NRSN1: variants seen among roughly 807,000 people sequenced by gnomAD.
NRSN1 encodes the protein neurensin 1.
Under a neutral mutation model 17.3 loss-of-function variants are expected in NRSN1, and 14 were observed. The ratio of observed to expected loss-of-function variants is 0.81; its 90% CI spans 0.54 to 1.27. NRSN1 has a LOEUF of 1.27. Ranked by LOEUF, NRSN1 falls within the 50% of genes most tolerant of loss-of-function variation. The probability of loss-of-function intolerance (pLI) is 0.00; values close to 1 mark genes in which losing one functional copy is unlikely to be tolerated. For synonymous variants in NRSN1, 79 were observed against 94.2 expected (o/e 0.84, Z 0.93); for missense variants, 209 against 235.9 (o/e 0.89, Z 0.75).
chr6:24,146,092 C>A lies in NRSN1; in HGVS notation c.*146C>A. 1 of 859,520 alleles carries A rather than the reference C, an allele frequency of 1.2e-6. No individual in the cohort carries two copies. The highest frequency in any genetic ancestry group is 2.0e-6 in the Non-Finnish European group (1 of 505,732). 53.2% of individuals were successfully genotyped at this position (859,520 alleles called of 1,614,324 possible). On this transcript the variant is annotated 3_prime_UTR_variant, in exon 4 of 4. Transcript: ENST00000378491. ...AATATAATGGGTGGACTCACACTTGCTCAGTTCAGGCAGCTCTGCTGGAGG... is the reference window on the plus strand; with the variant it reads ...AATATAATGGGTGGACTCACACTTGATCAGTTCAGGCAGCTCTGCTGGAGG...
chr6:24,137,349 A>G (rs996979124), intron 3 of NRSN1, among the ~76,000 whole-genome samples: 3 of 152,216 alleles, frequency 2.0e-5, no homozygotes, highest in South Asian at 2.1e-4. Flanking sequence ...TAGCTGTCCA[A>G]CATTCACCAG....
chr6:24,138,913 A>T (rs557603043), intron 3 of NRSN1, among the ~76,000 whole-genome samples: 45 of 152,314 alleles, frequency 3.0e-4, no homozygotes, highest in African/African-American at 1.0e-3. Context: ...ATACATATAT[A>T]TTGTGGCACG....
intron 2 of NRSN1, among the ~76,000 whole-genome samples, chr6:24,132,534 C>G (rs1760050674): frequency 6.6e-6 from 1 of 152,216 alleles, no homozygotes; most frequent in African/African-American, 2.4e-5. Context: ...ATAACTAAAA[C>G]TATCTACAGG....
chr6:24,131,425 T>C (rs1581547714), intron 2 of NRSN1, among the ~76,000 whole-genome samples: 1 of 152,170 alleles, frequency 6.6e-6, no homozygotes, highest in Non-Finnish European at 1.5e-5. Context: ...CATATCTATT[T>C]TTGTCCCTTT....
intron 2 of NRSN1, among the ~76,000 whole-genome samples, chr6:24,130,251 T>C (rs1431432202): frequency 6.6e-6 from 1 of 151,862 alleles, no homozygotes; most frequent in African/African-American, 2.4e-5. Flanking sequence ...TAAAAAGCCT[T>C]TGCACATAGC....
At chr6:24,140,941 C>A in intron 3 of NRSN1, 1 of 1,327,176 alleles carries the variant, frequency 7.5e-7, no homozygotes, top group Non-Finnish European at 9.7e-7. Context: ...TGGGTTTTCA[C>A]ACATCCTCCC....
rs565005828 is a variant in NRSN1 at position 24,146,537 on chromosome 6, G to A, written c.*591G>A. On this transcript the variant is annotated 3_prime_UTR_variant, in exon 4 of 4. Transcript: ENST00000378491. ...CCATTTTTTTTCCCTTTGAGATGAA[G>A]TGCTGTTCTTTTGCCTAGGTTGGAG... 3.3e-5 allele frequency: 11 copies of A among 336,966 alleles called. No homozygotes were observed. The highest frequency in any genetic ancestry group is 6.5e-5 in the African/African-American group (3 of 46,070). The allele number at this position is 336,966 out of a possible 1,614,324, so 20.9% of individuals were successfully genotyped here. A position where few individuals can be genotyped will look rare whatever the true frequency, so the allele number is the denominator to read the frequency against.
chr6:24,134,602 T>C, intron 3 of NRSN1, 86 bp downstream of exon 3: 1 of 1,063,826 alleles, frequency 9.4e-7, no homozygotes, highest in Non-Finnish European at 1.4e-6. Context: ...TGGAGAGGTT[T>C]AGTACTCGCT....
At chr6:24,144,129 C>T (rs1760262138) in intron 3 of NRSN1, among the ~76,000 whole-genome samples, 1 of 152,200 alleles carries the variant, frequency 6.6e-6, no homozygotes, top group East Asian at 1.9e-4. Flanking sequence ...CACAAGTATA[C>T]CCCAAATAGC....
chr6:24,142,528 G>A (rs949075131), intron 3 of NRSN1, among the ~76,000 whole-genome samples: 1 of 151,696 alleles, frequency 6.6e-6, no homozygotes, highest in South Asian at 2.1e-4. Context: ...ATGTGATCTC[G>A]GCTCACTGCA....
intron 3 of NRSN1, among the ~76,000 whole-genome samples, chr6:24,135,680 G>A (rs757256642): frequency 2.0e-5 from 3 of 152,168 alleles, no homozygotes; most frequent in South Asian, 2.1e-4. Flanking sequence ...ATTAGACATC[G>A]GAGTAGTGAT....
intron 3 of NRSN1, among the ~76,000 whole-genome samples, chr6:24,143,081 G>A (rs975444907): frequency 2.6e-4 from 40 of 152,250 alleles, no homozygotes; most frequent in African/African-American, 8.9e-4. Flanking sequence ...GCCACAGAGT[G>A]CTGATTGGTG....
At chr6:24,132,120 G>C (rs1371832740) in intron 2 of NRSN1, among the ~76,000 whole-genome samples, 1 of 152,138 alleles carries the variant, frequency 6.6e-6, no homozygotes, top group African/African-American at 2.4e-5. Flanking sequence ...ATCATTAATA[G>C]CACCATTTTT....
intron 3 of NRSN1, among the ~76,000 whole-genome samples, chr6:24,135,010 C>CA (rs1760095175): frequency 1.3e-5 from 2 of 152,170 alleles, no homozygotes; most frequent in South Asian, 4.1e-4. Context: ...CCAGCTTCCT[C>CA]AAATGAAGGA....
intron 3 of NRSN1, among the ~76,000 whole-genome samples, chr6:24,137,235 G>A (rs1760130386): frequency 6.6e-6 from 1 of 152,154 alleles, no homozygotes; most frequent in South Asian, 2.1e-4. Context: ...GACTTAATGA[G>A]AAAGGAGATT....
At chr6:24,126,527 C>A (rs957568393) in intron 1 of NRSN1, among the ~76,000 whole-genome samples, 187 bp downstream of exon 1, 1 of 151,958 alleles carries the variant, frequency 6.6e-6, no homozygotes, top group Admixed American at 6.6e-5. Context: ...AAAAAACATG[C>A]GTATTAAAAT....
At position 24,134,345 on chromosome 6, in the gene NRSN1, C is replaced by T. The variant is rs34059142; in HGVS notation, c.18C>T (p.Asn6=). 1,306 of 1,613,838 alleles carry T rather than the reference C, an allele frequency of 8.1e-4. 6 individuals are homozygous for T. In the African/African-American group the frequency reaches 0.016, roughly 19 times the overall value. ...TGGGAAGGATGAGTTCTTGCAGCAA[C>T]GTCTGTGGGTCCAGGCAGGCACAGG... MSSCS[N]VCGSRQAQAA... The change falls in exon 3 of 4, where the codon AAC becomes AAT. Residue 6 remains asparagine (N), a synonymous_variant. Coordinates refer to ENST00000378491, the MANE Select transcript of NRSN1 (RefSeq NM_080723.5).
chr6:24,146,545 C>T lies in NRSN1; in HGVS notation c.*599C>T. 1.5e-5 allele frequency: 5 copies of T among 335,840 alleles called. No homozygotes were observed. Among genetic ancestry groups the T allele is most frequent in the South Asian group, 1.2e-4 (5 of 41,918 alleles). The allele number at this position is 335,840 out of a possible 1,614,324, so 20.8% of individuals were successfully genotyped here. A position where few individuals can be genotyped will look rare whatever the true frequency, so the allele number is the denominator to read the frequency against. On this transcript the variant is annotated 3_prime_UTR_variant, in exon 4 of 4. Transcript: ENST00000378491. Reference sequence around the variant, plus strand: ...TTTCCCTTTGAGATGAAGTGCTGTTCTTTTGCCTAGGTTGGAGTACAGCGG... The same window carrying T: ...TTTCCCTTTGAGATGAAGTGCTGTTTTTTTGCCTAGGTTGGAGTACAGCGG...
At chr6:24,140,007 T>C (rs1255068992) in intron 3 of NRSN1, among the ~76,000 whole-genome samples, 1 of 152,116 alleles carries the variant, frequency 6.6e-6, no homozygotes, top group Admixed American at 6.5e-5. Context: ...AGTGAGTTGT[T>C]TGGAGCAGAG....
Sources: allele counts gnomAD v4.1 joint callset (sites outside exome capture counted in the v4.1 genomes callset), GRCh38; gene constraint gnomAD v4.1.1; transcripts MANE v1.5; gene names NCBI Gene and HGNC (gene_info 2026-07-23, HGNC 2026-07-21).